Variants in PPP2R2B observed in about 807,000 individuals in gnomAD.
PPP2R2B encodes protein phosphatase 2 regulatory subunit Bbeta, also known as serine/threonine-protein phosphatase 2A 55 kDa regulatory subunit B beta isoform.
In PPP2R2B, 5 loss-of-function variants were observed where a neutral mutation model predicts 46.0. The observed-to-expected ratio is 0.11, with a 90% CI of 0.06 to 0.23. The LOEUF (loss-of-function observed/expected upper bound fraction) is 0.23. Ranked by LOEUF, PPP2R2B falls within the 10% of genes least tolerant of loss-of-function variation. PPP2R2B has a pLI of 1.00. For synonymous variants in PPP2R2B, 215 were observed against 206.7 expected, an observed-to-expected ratio of 1.04 and a Z score of -0.34; for missense variants, 367 against 575.0, an observed-to-expected ratio of 0.64 and a Z score of 3.70.
intron 5 of PPP2R2B, among the ~76,000 whole-genome samples, chr5:146,672,558 G>A (rs1034483409): frequency 4.6e-5 from 7 of 152,102 alleles, no homozygotes; most frequent in South Asian, 2.1e-4. Context: ...GACTTTGTTC[G>A]CATGTACCAG....
At chr5:146,795,296 C>T (rs1211374935) in intron 2 of PPP2R2B, among the ~76,000 whole-genome samples, 1 of 152,092 alleles carries the variant, frequency 6.6e-6, no homozygotes, top group Non-Finnish European at 1.5e-5. Context: ...ACTTAAGTGT[C>T]TATCAACAGA....
At chr5:146,847,862 A>T (rs1301066964) in intron 2 of PPP2R2B, among the ~76,000 whole-genome samples, 5 of 152,164 alleles carry the variant, frequency 3.3e-5, no homozygotes, top group Non-Finnish European at 7.4e-5. Flanking sequence ...TTAGTAAATC[A>T]CCCAGCCCCA....
chr5:146,880,630 T>C (rs1261982041), upstream of PPP2R2B, among the ~76,000 whole-genome samples: 2 of 152,176 alleles, frequency 1.3e-5, no homozygotes, highest in Non-Finnish European at 2.9e-5. Context: ...CCCCTGTATC[T>C]TTCTGAATCA....
intron 5 of PPP2R2B, among the ~76,000 whole-genome samples, chr5:146,651,726 CA>C (rs1348646735): frequency 3.3e-5 from 5 of 152,154 alleles, no homozygotes; most frequent in Non-Finnish European, 7.3e-5. Flanking sequence ...TCTTTTCAAG[CA>C]AATCATTTCT....
At chr5:146,635,940 C>A (rs562183104) in intron 7 of PPP2R2B, among the ~76,000 whole-genome samples, 1 of 152,318 alleles carries the variant, frequency 6.6e-6, no homozygotes, top group East Asian at 1.9e-4. Context: ...ATGACGAATG[C>A]CAACCTTTAA....
chr5:146,804,958 A>C lies in PPP2R2B; in HGVS notation c.70+73044T>G, dbSNP rs1757085143. Among the ~76,000 whole-genome samples the C allele has an allele frequency of 2.0e-5, 3 of 152,182 alleles. No individual in the cohort carries two copies. In the South Asian group the frequency reaches 6.2e-4, roughly 32 times the overall value. ...TAATTTGAGGGGAATATAATTTCTC[A>C]AACTCCAAGAGTTGCTTCAGCCTTC... On this transcript the variant is annotated intron_variant, in intron 2 of 9. Coordinates refer to ENST00000394411, the MANE Select transcript of PPP2R2B (RefSeq NM_181675.4).
intron 2 of PPP2R2B, among the ~76,000 whole-genome samples, chr5:146,768,686 A>G (rs1754646041): frequency 6.6e-6 from 1 of 152,092 alleles, no homozygotes; most frequent in African/African-American, 2.4e-5. Context: ...GGCCCACACC[A>G]TCTGACATTG....
In PPP2R2B at chr5:146,822,714, AAGAG is replaced by A. The variant is rs549283755; in HGVS notation, c.70+55284_70+55287del. Among the ~76,000 whole-genome samples, 3 of 152,288 alleles carry A rather than the reference AAGAG, an allele frequency of 2.0e-5. No homozygotes were observed. The East Asian group carries it at 5.8e-4, about 29-fold the overall frequency. On this transcript the variant is annotated intron_variant, in intron 2 of 9. Transcript: ENST00000394411. ...TTCCTCCCACAGATTATTATTAGAA[AAGAG>A]AGAAATCTTGATCTTGCTCACTTCT...
chr5:146,738,919 T>C (rs954259837), intron 2 of PPP2R2B, among the ~76,000 whole-genome samples: 3 of 152,268 alleles, frequency 2.0e-5, no homozygotes, highest in Middle Eastern at 3.4e-3. Context: ...GTCCCTGCCA[T>C]TGAGGATATT....
chr5:146,871,361 C>T (rs748946934), intron 2 of PPP2R2B, among the ~76,000 whole-genome samples: 3 of 152,202 alleles, frequency 2.0e-5, no homozygotes, highest in African/African-American at 4.8e-5. Flanking sequence ...GATGGCCCAG[C>T]GGGACCATCT....
At chr5:147,073,301 G>T (rs186223107) in intron 2 of PPP2R2B, among the ~76,000 whole-genome samples, 7 of 152,226 alleles carry the variant, frequency 4.6e-5, no homozygotes, top group Admixed American at 4.6e-4. Context: ...CAAAGAACCC[G>T]CTTCCCTTCC....
At chr5:146,781,327 T>C (rs1333763479) in intron 2 of PPP2R2B, among the ~76,000 whole-genome samples, 1 of 151,208 alleles carries the variant, frequency 6.6e-6, no homozygotes, top group Non-Finnish European at 1.5e-5. Context: ...GCCTCTCTCA[T>C]AATTCTCAGC....
chr5:146,615,496 G>A (rs1581717974), intron 7 of PPP2R2B, among the ~76,000 whole-genome samples: 2 of 84,554 alleles, frequency 2.4e-5, no homozygotes, highest in Admixed American at 1.4e-4. Context: ...AAAACTTAGA[G>A]TATAATAAAA....
intron 2 of PPP2R2B, among the ~76,000 whole-genome samples, chr5:146,758,394 T>C (rs1269637176): frequency 6.6e-6 from 1 of 152,168 alleles, no homozygotes; most frequent in Non-Finnish European, 1.5e-5. Flanking sequence ...GTTACCAACA[T>C]TACCTCAAAG....
At chr5:146,595,565 A>ATTAT (rs1241688911) in intron 8 of PPP2R2B, among the ~76,000 whole-genome samples, 4 of 152,346 alleles carry the variant, frequency 2.6e-5, no homozygotes, top group Non-Finnish European at 5.9e-5. Context: ...AGTCTGAACC[A>ATTAT]TTATTTCTCC....
chr5:146,671,838 G>C (rs1460249699), intron 5 of PPP2R2B, among the ~76,000 whole-genome samples: 1 of 152,176 alleles, frequency 6.6e-6, no homozygotes, highest in Non-Finnish European at 1.5e-5. Flanking sequence ...ATCAGAAAAG[G>C]AGCATGTGAC....
intron 1 of PPP2R2B, among the ~76,000 whole-genome samples, chr5:147,029,250 A>G (rs375681330): frequency 2.6e-5 from 4 of 152,166 alleles, no homozygotes; most frequent in South Asian, 4.1e-4. Flanking sequence ...ATTTTATCTT[A>G]TGTTATAGTC....
At chr5:146,629,596 C>G (rs1774286369) in intron 7 of PPP2R2B, among the ~76,000 whole-genome samples, 1 of 152,178 alleles carries the variant, frequency 6.6e-6, no homozygotes, top group African/African-American at 2.4e-5. Context: ...TTAGCACCAT[C>G]TCATGGTTTC....
intron 2 of PPP2R2B, among the ~76,000 whole-genome samples, chr5:146,763,979 G>A (rs1316431910): frequency 6.6e-6 from 1 of 151,988 alleles, no homozygotes; most frequent in Non-Finnish European, 1.5e-5. Context: ...TTCTTGCCTT[G>A]GCCTCCCAAA....
Sources: allele counts gnomAD v4.1 joint callset (sites outside exome capture counted in the v4.1 genomes callset), GRCh38; gene constraint gnomAD v4.1.1; transcripts MANE v1.5; gene names NCBI Gene and HGNC (gene_info 2026-07-23, HGNC 2026-07-21).